MYH15: variants seen among roughly 807,000 people sequenced by gnomAD.
MYH15 encodes the protein myosin-15.
A neutral mutation model predicts 240.5 loss-of-function variants in MYH15; 227 were observed. The ratio of observed to expected loss-of-function variants is 0.94; its 90% confidence interval spans 0.85 to 1.05. The LOEUF is 1.05. Ranked by LOEUF, MYH15 falls within the 50% of genes least tolerant of loss-of-function variation. The pLI is 0.00. For synonymous variants in MYH15, 785 were observed against 796.7 expected, an observed-to-expected ratio of 0.99 and a Z score of 0.25; for missense variants, 2,217 against 2,247.5, an observed-to-expected ratio of 0.99 and a Z score of 0.27.
chr3:108,502,385 T>A (rs2083445164), intron 2 of MYH15, among the ~76,000 whole-genome samples: 1 of 152,202 alleles, frequency 6.6e-6, no homozygotes. Context: ...AATACTCTTT[T>A]GTATATTTTA....
intron 21 of MYH15, 134 bp from the exon 22 acceptor site, chr3:108,445,029 T>A (rs2082916146): frequency 1.0e-6 from 1 of 1,002,938 alleles, no homozygotes; most frequent in African/African-American, 1.6e-5. Context: ...AGCACTTTTA[T>A]ATCTGGACTT....
intron 12 of MYH15, among the ~76,000 whole-genome samples, chr3:108,475,336 A>G (rs1053418578): frequency 1.3e-5 from 2 of 152,116 alleles, no homozygotes; most frequent in Non-Finnish European, 2.9e-5. Context: ...CTTAGCTCTG[A>G]GTATTATTGT....
At chr3:108,548,089 A>C in the MYH15 span, among the ~76,000 whole-genome samples, 2 of 152,180 alleles carry the variant, frequency 1.3e-5, no homozygotes, top group Non-Finnish European at 2.9e-5. Context: ...CTATAGCATG[A>C]AGGATGAGAA....
At chr3:108,456,275 A>C (rs1423293424) in intron 19 of MYH15, among the ~76,000 whole-genome samples, 2 of 152,198 alleles carry the variant, frequency 1.3e-5, no homozygotes, top group African/African-American at 4.8e-5. Flanking sequence ...CTAAAGCAAG[A>C]AATATGCCCC....
At chr3:108,398,057 G>A (rs532406011) in intron 35 of MYH15, among the ~76,000 whole-genome samples, 44 of 152,158 alleles carry the variant, frequency 2.9e-4, no homozygotes, top group Non-Finnish European at 5.9e-4. Context: ...TCTGGAAATA[G>A]GGTCTTATTT....
chr3:108,540,692 T>C, the MYH15 span, among the ~76,000 whole-genome samples: 1 of 152,160 alleles, frequency 6.6e-6, no homozygotes, highest in Non-Finnish European at 1.5e-5. Context: ...AATCCAAAAG[T>C]GAGCATTGTG....
chr3:108,514,001 C>T (rs2083540796), upstream of MYH15, among the ~76,000 whole-genome samples: 1 of 152,156 alleles, frequency 6.6e-6, no homozygotes, highest in South Asian at 2.1e-4. Flanking sequence ...CCAGGTGTAT[C>T]TTAGTTACCA....
rs372912737 is a variant in MYH15 at position 108,457,012 on chromosome 3, T to C, written c.2021-129A>G. 235 of 660,738 alleles carry C rather than the reference T, an allele frequency of 3.6e-4. No individual in the cohort carries two copies. The East Asian group carries it at 5.5e-3, about 15-fold the overall frequency. 40.9% of individuals were successfully genotyped at this position (660,738 alleles called of 1,614,324 possible). A position where few individuals can be genotyped will look rare whatever the true frequency, so the allele number is the denominator to read the frequency against. ...TGGATAGTTTCCACATGATAGGTCA[T>C]AGATGTTCACTCACTTATGGCCTGA... On this transcript the variant is annotated intron_variant, in intron 18 of 40. Coordinates refer to ENST00000693548, the MANE Select transcript of MYH15 (RefSeq NM_014981.3).
At chr3:108,424,145 A>G (rs1477332433) in intron 27 of MYH15, among the ~76,000 whole-genome samples, 1 of 152,222 alleles carries the variant, frequency 6.6e-6, no homozygotes, top group Non-Finnish European at 1.5e-5. Context: ...TGGAAATGGT[A>G]AGAAAAAGAG....
intron 33 of MYH15, among the ~76,000 whole-genome samples, chr3:108,404,154 G>A (rs7630352): frequency 0.49 from 74,552 of 151,816 alleles, 19,383 homozygotes; most frequent in East Asian, 0.75. Flanking sequence ...AGTCAGTCCT[G>A]TAGAAGAAAA....
At chr3:108,448,910 G>T (rs946064833) in intron 21 of MYH15, among the ~76,000 whole-genome samples, 5 of 151,630 alleles carry the variant, frequency 3.3e-5, no homozygotes, top group African/African-American at 1.2e-4. Context: ...TTGTAAAGTT[G>T]CAGGATAAAA....
chr3:108,428,219 T>C (rs758806810), intron 27 of MYH15, among the ~76,000 whole-genome samples: 1 of 152,180 alleles, frequency 6.6e-6, no homozygotes, highest in Non-Finnish European at 1.5e-5. Context: ...CTCACTTACT[T>C]GTGCAATCAC....
chr3:108,455,370 T>C (rs866316533), intron 20 of MYH15, among the ~76,000 whole-genome samples: 4 of 152,168 alleles, frequency 2.6e-5, no homozygotes, highest in African/African-American at 7.2e-5. Context: ...TGAAAGAATA[T>C]GGTGGATGAA....
chr3:108,470,810 T>C lies in MYH15; in HGVS notation c.1271A>G (p.Tyr424Cys). The C allele has an allele frequency of 6.2e-7, 1 of 1,613,840 alleles. No homozygotes were observed. Among genetic ancestry groups the C allele is most frequent in the Non-Finnish European group, 8.5e-7 (1 of 1,179,844 alleles). The change falls in exon 13 of 41, where the codon TAT becomes TGT. Residue 424 changes from tyrosine to cysteine, a missense_variant. By Grantham distance (194) the Tyr-to-Cys change is radical (BLOSUM62 -2). Coordinates refer to ENST00000693548, the MANE Select transcript of MYH15 (RefSeq NM_014981.3). ...CAVGALSKSM[Y>C]ERMFKWLVAR... The stretch of plus-strand genomic sequence containing the variant: ...CACTAGCCACTTAAACATCCTTTCA[T>C]ACATTGACTTGGACAGGGCACCGAC...
At chr3:108,495,692 A>T (rs1227133207) in intron 7 of MYH15, 88 bp downstream of exon 7, 1 of 957,254 alleles carries the variant, frequency 1.0e-6, no homozygotes, top group East Asian at 2.8e-5. Flanking sequence ...GTGTTCTATA[A>T]TTTTTTCATA....
intron 10 of MYH15, 67 bp downstream of exon 10, chr3:108,486,356 C>G (rs2083305854): frequency 1.2e-5 from 16 of 1,348,278 alleles, no homozygotes; most frequent in Non-Finnish European, 1.6e-5. Flanking sequence ...GAACAGAACT[C>G]TAAGATTCTG....
At chr3:108,450,735 T>C (rs1233540921) in intron 21 of MYH15, among the ~76,000 whole-genome samples, 1 of 152,218 alleles carries the variant, frequency 6.6e-6, no homozygotes, top group Non-Finnish European at 1.5e-5. Flanking sequence ...TGTAAGGTGA[T>C]GATTAATCAG....
At chr3:108,493,228 C>T (rs1282121247) in intron 7 of MYH15, 51 bp from the exon 8 acceptor site, 3 of 1,515,670 alleles carry the variant, frequency 2.0e-6, no homozygotes, top group African/African-American at 1.4e-5. Flanking sequence ...TTCCTATTCA[C>T]ATTTTCCAAG....
At chr3:108,492,466 G>C (rs1560424782) in intron 9 of MYH15, 34 bp downstream of exon 9, 2 of 1,471,122 alleles carry the variant, frequency 1.4e-6, no homozygotes, top group East Asian at 2.3e-5. Flanking sequence ...TTCTTGTTTT[G>C]GAATAACCCT....
Sources: allele counts gnomAD v4.1 joint callset (sites outside exome capture counted in the v4.1 genomes callset), GRCh38; gene constraint gnomAD v4.1.1; transcripts MANE v1.5; gene names NCBI Gene and HGNC (gene_info 2026-07-23, HGNC 2026-07-21).